Variants in LEPR observed in about 807,000 individuals in gnomAD.
The protein encoded by LEPR is OB receptor.
A neutral mutation model predicts 114.7 loss-of-function variants in LEPR; 56 were observed. The ratio of observed to expected loss-of-function variants is 0.49; its 90% confidence interval spans 0.39 to 0.61. LEPR has a LOEUF of 0.61. LEPR is among the 20% of genes least tolerant of loss of function. The pLI is 0.00. For synonymous variants in LEPR, 443 were observed against 461.4 expected (o/e 0.96, Z 0.51); for missense variants, 1,202 against 1,352.9 (o/e 0.89, Z 1.75).
In LEPR at chr1:65,609,964, T is replaced by C. The variant is rs1657063103; in HGVS notation, c.1770T>C (p.Asp590=). 3 of 1,614,094 alleles carry C rather than the reference T, an allele frequency of 1.9e-6. No individual in the cohort carries two copies. Among genetic ancestry groups the C allele is most frequent in the Non-Finnish European group, 2.5e-6 (3 of 1,180,014 alleles). Residue 590 remains aspartate, a synonymous_variant, in exon 13 of 20, where the codon GAT becomes GAC. Transcript: ENST00000349533. The part of the protein sequence containing the change: ...EVQWKMYEVY[D]AKSKSVSLPV... ...TTTTACAGATGTATGAGGTTTATGA[T>C]GCAAAATCAAAATCTGTCAGTCTCC...
chr1:65,608,943 AT>A, intron 12 of LEPR, 42 bp downstream of exon 12: 1 of 1,609,736 alleles, frequency 6.2e-7, no homozygotes, highest in Non-Finnish European at 8.5e-7. Flanking sequence ...ATTAAATGCT[AT>A]TTTTATAATA....
chr1:65,528,383 A>G (rs1480629082), intron 2 of LEPR, among the ~76,000 whole-genome samples: 3 of 152,124 alleles, frequency 2.0e-5, no homozygotes, highest in Non-Finnish European at 4.4e-5. Flanking sequence ...AGTATGTACA[A>G]CCTTTTGGAG....
chr1:65,473,812 C>T (rs567421668), intron 2 of LEPR, among the ~76,000 whole-genome samples: 2 of 152,242 alleles, frequency 1.3e-5, no homozygotes, highest in South Asian at 2.1e-4. Flanking sequence ...AACCAAAACC[C>T]GTATGATTGT....
chr1:65,524,073 C>T (rs116548015), intron 2 of LEPR, among the ~76,000 whole-genome samples: 1 of 152,330 alleles, frequency 6.6e-6, no homozygotes, highest in African/African-American at 2.4e-5. Context: ...AGCCAGTACA[C>T]ACCTGCTGAC....
rs1477657549 is a variant in LEPR at position 65,420,682 on chromosome 1, G to T, written c.-155G>T. 8 of 1,567,102 alleles carry T rather than the reference G, an allele frequency of 5.1e-6. No homozygotes were observed. The highest frequency in any genetic ancestry group is 6.9e-6 in the Non-Finnish European group (8 of 1,157,896). On this transcript the variant is annotated 5_prime_UTR_variant, in exon 1 of 20. Transcript: ENST00000349533. ...CTGGCTTGGGCAGGCTGCCCGGGCCGTGGCAGGAAGCCGGAAGCAGCCGCG... is the reference window on the plus strand; with the variant it reads ...CTGGCTTGGGCAGGCTGCCCGGGCCTTGGCAGGAAGCCGGAAGCAGCCGCG...
rs1656448006 is a variant in LEPR, at chr1:65,601,678, G to T, written c.1281G>T (p.Val427=). 1 of 1,613,400 alleles carries T rather than the reference G, an allele frequency of 6.2e-7. No individual in the cohort carries two copies. Among genetic ancestry groups the T allele is most frequent in the South Asian group, 1.1e-5 (1 of 91,050 alleles). ...ATCATCGCTATGCTGAATTATATGTGATTGGTAAGAAAACAGAGGTTTTGT... is the reference window on the plus strand; with the variant it reads ...ATCATCGCTATGCTGAATTATATGTTATTGGTAAGAAAACAGAGGTTTTGT... ...ECHHRYAELY[V]IDVNINISCE... The change falls in exon 9 of 20, where the codon GTG becomes GTT. Residue 427 remains valine (V), a synonymous_variant. Transcript: ENST00000349533.
chr1:65,623,103 A>C (rs899308892), intron 19 of LEPR, 122 bp downstream of exon 19: 4 of 954,456 alleles, frequency 4.2e-6, no homozygotes, highest in Non-Finnish European at 6.3e-6. Context: ...ATTCATCTTA[A>C]TATATCTGTT....
chr1:65,433,657 T>G (rs1646519028), intron 2 of LEPR: 1 of 985,176 alleles, frequency 1.0e-6, no homozygotes, highest in East Asian at 1.1e-4. Context: ...ATGTTTTCAG[T>G]GTCCTGTGTA....
chr1:65,572,511 A>G lies in LEPR; in HGVS notation c.494+62A>G, dbSNP rs1654271728. ...ACAGTTTTTTTAAAAGAGCTTTCAT[A>G]TACGGAAGTAGATTATAAACCTCTT... On this transcript the variant is annotated intron_variant, in intron 5 of 19. Coordinates refer to ENST00000349533, the MANE Select transcript of LEPR (RefSeq NM_002303.6). The G allele has an allele frequency of 3.4e-6, 5 of 1,459,264 alleles. 1 individual carries two copies. In the South Asian group the frequency reaches 4.8e-5, roughly 14 times the overall value. 90.4% of individuals were successfully genotyped at this position (1,459,264 alleles called of 1,614,324 possible).
intron 2 of LEPR, among the ~76,000 whole-genome samples, chr1:65,516,588 C>G (rs1258030079): frequency 6.6e-6 from 1 of 152,178 alleles, no homozygotes; most frequent in Non-Finnish European, 1.5e-5. Flanking sequence ...GTCAAGTGAC[C>G]CCCAAAATTA....
chr1:65,451,097 G>A (rs1171489677), intron 2 of LEPR, among the ~76,000 whole-genome samples: 286 of 152,040 alleles, frequency 1.9e-3, no homozygotes, highest in African/African-American at 6.6e-3. Context: ...GTCTGTTCAT[G>A]TCCTTTGCCC....
rs1290060521 is a variant in LEPR, at chr1:65,638,859, G to A, written c.*1844G>A. ...TCTATGCAAAGATAAATGGAGAAGCGTTTTTTTCATGGATAATTTTACATG... is the reference window on the plus strand; with the variant it reads ...TCTATGCAAAGATAAATGGAGAAGCATTTTTTTCATGGATAATTTTACATG... On this transcript the variant is annotated 3_prime_UTR_variant, in exon 20 of 20. Coordinates refer to ENST00000349533, the MANE Select transcript of LEPR (RefSeq NM_002303.6). 1 of 152,068 alleles carries A rather than the reference G, an allele frequency of 6.6e-6. No individual in the cohort carries two copies. Among genetic ancestry groups the A allele is most frequent in the Admixed American group, 6.6e-5 (1 of 15,266 alleles). The allele number at this position is 152,068 out of a possible 1,614,324, so 9.4% of individuals were successfully genotyped here. A position where few individuals can be genotyped will look rare whatever the true frequency, so the allele number is the denominator to read the frequency against.
intron 2 of LEPR, among the ~76,000 whole-genome samples, chr1:65,522,103 C>T (rs910953545): frequency 6.6e-6 from 1 of 152,098 alleles, no homozygotes; most frequent in African/African-American, 2.4e-5. Flanking sequence ...TTCCAAAAGA[C>T]ATTTAGGGTA....
chr1:65,488,210 T>TTCTTTCTTTC (rs1557620199), intron 2 of LEPR, among the ~76,000 whole-genome samples: 4 of 25,874 alleles, frequency 1.5e-4, no homozygotes, highest in Non-Finnish European at 2.3e-4. Context: ...CTTTCTTTCT[T>TTCTTTCTTTC]TCTCTCTCTC....
intron 2 of LEPR, among the ~76,000 whole-genome samples, chr1:65,477,961 T>C (rs1469370584): frequency 6.6e-6 from 1 of 152,218 alleles, no homozygotes; most frequent in Non-Finnish European, 1.5e-5. Context: ...TGGATTACTA[T>C]TTTTGTTCAA....
chr1:65,513,697 C>A (rs1344729012), intron 2 of LEPR, among the ~76,000 whole-genome samples: 1 of 152,160 alleles, frequency 6.6e-6, no homozygotes, highest in African/African-American at 2.4e-5. Flanking sequence ...TGGCCAATTT[C>A]CTTTCAGGTT....
At chr1:65,435,366 CTTTT>C (rs60757318) in intron 2 of LEPR, 982 of 721,296 alleles carry the variant, frequency 1.4e-3, no homozygotes, top group Non-Finnish European at 1.4e-3. Flanking sequence ...CTTTTCTTTT[CTTTT>C]TTTTTTTTTT....
chr1:65,451,749 T>C (rs1389428272), intron 2 of LEPR, among the ~76,000 whole-genome samples: 1 of 151,874 alleles, frequency 6.6e-6, no homozygotes, highest in East Asian at 1.9e-4. Flanking sequence ...TAGGATTGAC[T>C]TGGTGATGCG....
At chr1:65,545,977 T>A (rs921199373) in intron 2 of LEPR, among the ~76,000 whole-genome samples, 1 of 151,816 alleles carries the variant, frequency 6.6e-6, no homozygotes, top group Admixed American at 6.6e-5. Context: ...CTTGAATTAA[T>A]TTTTGTATAA....
Sources: allele counts gnomAD v4.1 joint callset (sites outside exome capture counted in the v4.1 genomes callset), GRCh38; gene constraint gnomAD v4.1.1; transcripts MANE v1.5; gene names NCBI Gene and HGNC (gene_info 2026-07-23, HGNC 2026-07-21).